The following ADAMTS17 variants were observed in gnomAD, a reference collection of about 807,000 sequenced individuals.
ADAMTS17 encodes the protein ADAM metallopeptidase with thrombospondin type 1 motif 17, also known as A disintegrin and metalloproteinase with thrombospondin motifs 17.
A neutral mutation model predicts 141.5 loss-of-function variants in ADAMTS17; 113 were observed. The observed-to-expected ratio is 0.80, with a 90% confidence interval of 0.69 to 0.93. The LOEUF (loss-of-function observed/expected upper bound fraction) is 0.93. Ranked by LOEUF, ADAMTS17 falls within the 40% of genes least tolerant of loss-of-function variation. The probability of loss-of-function intolerance (pLI) is 0.00; values close to 1 mark genes in which losing one functional copy is unlikely to be tolerated. For missense variants in ADAMTS17, 1,659 were observed against 1,517.9 expected (o/e 1.09, Z -1.54); for synonymous variants, 768 against 630.6 (o/e 1.22, Z -3.27).
At chr15:100,149,889 A>C (rs867147971) in intron 10 of ADAMTS17, among the ~76,000 whole-genome samples, 60 of 152,360 alleles carry the variant, frequency 3.9e-4, no homozygotes, top group South Asian at 2.1e-4. Context: ...GTGCACAGTC[A>C]CTGCTACCCC....
intron 3 of ADAMTS17, among the ~76,000 whole-genome samples, chr15:100,302,625 G>A (rs992003746): frequency 1.2e-4 from 19 of 152,260 alleles, no homozygotes; most frequent in African/African-American, 4.3e-4. Flanking sequence ...ATTTTGATTT[G>A]CATTTCCCTG....
intron 12 of ADAMTS17, among the ~76,000 whole-genome samples, chr15:100,130,363 C>CA (rs753208963): frequency 0.065 from 6,896 of 105,858 alleles, 536 homozygotes; most frequent in African/African-American, 0.21. Context: ...GGCTCCATCT[C>CA]AAAAAAAAAA....
intron 3 of ADAMTS17, among the ~76,000 whole-genome samples, chr15:100,316,430 C>T (rs1173612357): frequency 6.6e-6 from 1 of 152,236 alleles, no homozygotes; most frequent in Non-Finnish European, 1.5e-5. Context: ...TCTGGGGAGC[C>T]TTCTGTGCAC....
At chr15:100,212,887 T>C (rs1187640850) in intron 7 of ADAMTS17, among the ~76,000 whole-genome samples, 3 of 152,034 alleles carry the variant, frequency 2.0e-5, no homozygotes, top group African/African-American at 7.2e-5. Flanking sequence ...GCCAAGGTAA[T>C]GCATAGGGTG....
intron 8 of ADAMTS17, among the ~76,000 whole-genome samples, chr15:100,166,818 T>C (rs1190343323): frequency 6.6e-6 from 1 of 152,226 alleles, no homozygotes; most frequent in African/African-American, 2.4e-5. Context: ...TTGTTCTTCA[T>C]TCTTTCAAGA....
chr15:100,253,020 G>A (rs1386575316), intron 7 of ADAMTS17, among the ~76,000 whole-genome samples: 1 of 152,056 alleles, frequency 6.6e-6, no homozygotes. Flanking sequence ...CACTGCTGGG[G>A]CTCCCCCAGA....
At chr15:100,143,283 T>A (rs2038744908) in intron 10 of ADAMTS17, among the ~76,000 whole-genome samples, 1 of 152,196 alleles carries the variant, frequency 6.6e-6, no homozygotes, top group South Asian at 2.1e-4. Context: ...GCGCCTGCAT[T>A]GGGCTTTCTC....
intron 7 of ADAMTS17, among the ~76,000 whole-genome samples, chr15:100,204,388 CA>C (rs1183957233): frequency 1.7e-4 from 26 of 152,346 alleles, no homozygotes; most frequent in African/African-American, 5.8e-4. Context: ...ATCAAGCTGT[CA>C]GTCACAAGAG....
chr15:100,288,273 G>A (rs2044512825), intron 3 of ADAMTS17, among the ~76,000 whole-genome samples: 1 of 152,118 alleles, frequency 6.6e-6, no homozygotes, highest in South Asian at 2.1e-4. Context: ...AAAAGACAAA[G>A]AAGGGCATTA....
chr15:100,178,248 C>T (rs1014832331), intron 8 of ADAMTS17, among the ~76,000 whole-genome samples: 1 of 152,138 alleles, frequency 6.6e-6, no homozygotes, highest in African/African-American at 2.4e-5. Context: ...TCTAGACATC[C>T]TGTGGGTTAC....
At chr15:100,058,254 C>A (rs1221371515) in intron 15 of ADAMTS17, among the ~76,000 whole-genome samples, 2 of 121,800 alleles carry the variant, frequency 1.6e-5, no homozygotes, top group Non-Finnish European at 1.8e-5. Flanking sequence ...ACCCTCCTAT[C>A]CCGGCTCTGA....
chr15:100,139,638 G>A (rs1054035135), intron 10 of ADAMTS17, among the ~76,000 whole-genome samples: 1 of 152,236 alleles, frequency 6.6e-6, no homozygotes, highest in African/African-American at 2.4e-5. Flanking sequence ...AGGTGACCAA[G>A]GCTAGCATCA....
chr15:100,339,258 C>T (rs1223872278), intron 2 of ADAMTS17: 6 of 737,126 alleles, frequency 8.1e-6, no homozygotes, highest in Middle Eastern at 1.4e-3. Context: ...CCTCATTCTG[C>T]AAGGATTTTA....
intron 20 of ADAMTS17, among the ~76,000 whole-genome samples, chr15:99,986,445 T>C (rs1471845587): frequency 6.6e-6 from 1 of 152,156 alleles, no homozygotes; most frequent in Admixed American, 6.5e-5. Flanking sequence ...ATGTATTGCA[T>C]CATTTGATTC....
intron 10 of ADAMTS17, among the ~76,000 whole-genome samples, chr15:100,149,966 G>C (rs975687224): frequency 6.6e-6 from 1 of 152,230 alleles, no homozygotes; most frequent in Non-Finnish European, 1.5e-5. Context: ...CTGACCAGCT[G>C]AGGCTGGTGG....
intron 6 of ADAMTS17, among the ~76,000 whole-genome samples, chr15:100,258,654 G>T (rs1349222385): frequency 3.0e-5 from 1 of 33,530 alleles, no homozygotes; most frequent in Non-Finnish European, 4.9e-5. Flanking sequence ...CTGCCCCCAC[G>T]ATTCTATTGG....
At chr15:100,329,199 C>T (rs1325419116) in intron 3 of ADAMTS17, among the ~76,000 whole-genome samples, 2 of 152,060 alleles carry the variant, frequency 1.3e-5, no homozygotes, top group African/African-American at 2.4e-5. Context: ...TGTGCCGGTA[C>T]GTCAAGACAG....
At chr15:99,980,705 T>C (rs2141283575) in intron 20 of ADAMTS17, 1 of 152,340 alleles carries the variant, frequency 6.6e-6, no homozygotes, top group African/African-American at 2.4e-5. Flanking sequence ...GTGTTGCTGA[T>C]ATGTATGTGA....
intron 12 of ADAMTS17, 109 bp from the exon 13 acceptor site, chr15:100,117,122 T>C: frequency 1.5e-6 from 2 of 1,306,672 alleles, no homozygotes; most frequent in South Asian, 1.3e-5. Context: ...CAGGGCAAGG[T>C]TTCCAAAGCC....
Sources: allele counts gnomAD v4.1 joint callset (sites outside exome capture counted in the v4.1 genomes callset), GRCh38; gene constraint gnomAD v4.1.1; transcripts MANE v1.5; gene names NCBI Gene and HGNC (gene_info 2026-07-23, HGNC 2026-07-21).